The following GALNTL6 variants were observed in gnomAD, a reference collection of about 807,000 sequenced individuals.
GALNTL6 encodes the protein polypeptide N-acetylgalactosaminyltransferase-like 6.
In GALNTL6, 46 loss-of-function variants were observed where a neutral mutation model predicts 73.7. The ratio of observed to expected loss-of-function variants is 0.62; its 90% confidence interval spans 0.49 to 0.80. GALNTL6 has a LOEUF of 0.80. Among genes scored for constraint, GALNTL6 ranks in the 30% least tolerant of loss-of-function variants. The pLI, the probability that GALNTL6 is intolerant of heterozygous loss-of-function variation, is 0.00. For missense variants in GALNTL6, 604 were observed against 755.0 expected, an observed-to-expected ratio of 0.80 and a Z score of 2.34; for synonymous variants, 259 against 263.7, an observed-to-expected ratio of 0.98 and a Z score of 0.17.
chr4:172,365,624 A>G (rs1742528449), intron 5 of GALNTL6, among the ~76,000 whole-genome samples: 1 of 152,038 alleles, frequency 6.6e-6, no homozygotes, highest in Admixed American at 6.6e-5. Context: ...AAGGGACCTC[A>G]GCTTCAAGCC....
chr4:172,628,877 G>T (rs117901070), intron 5 of GALNTL6, among the ~76,000 whole-genome samples: 2,269 of 151,980 alleles, frequency 0.015, 46 homozygotes, highest in South Asian at 0.089. Flanking sequence ...AATATTAAAA[G>T]ATTTTCAAGA....
At chr4:172,869,860 C>A (rs987285666) in intron 7 of GALNTL6, among the ~76,000 whole-genome samples, 11 of 152,248 alleles carry the variant, frequency 7.2e-5, no homozygotes, top group African/African-American at 2.2e-4. Context: ...TCAATACATT[C>A]ACATGTGTTA....
At chr4:172,248,691 T>C (rs566831399) in intron 3 of GALNTL6, among the ~76,000 whole-genome samples, 30 of 152,104 alleles carry the variant, frequency 2.0e-4, no homozygotes, top group Non-Finnish European at 3.7e-4. Flanking sequence ...TGGGAGGTAA[T>C]TGAATCATGG....
At chr4:172,210,631 T>C (rs1736293478) in intron 2 of GALNTL6, among the ~76,000 whole-genome samples, 1 of 152,172 alleles carries the variant, frequency 6.6e-6, no homozygotes, top group Non-Finnish European at 1.5e-5. Context: ...ATAATATCAC[T>C]ATGACTTATC....
intron 10 of GALNTL6, among the ~76,000 whole-genome samples, chr4:173,007,221 G>A (rs1273450109): frequency 6.6e-6 from 1 of 152,092 alleles, no homozygotes; most frequent in Non-Finnish European, 1.5e-5. Context: ...GCAGGAACAG[G>A]CCCAGGTGGG....
intron 5 of GALNTL6, among the ~76,000 whole-genome samples, chr4:172,353,243 T>C (rs1463655954): frequency 2.6e-5 from 4 of 152,022 alleles, no homozygotes; most frequent in Non-Finnish European, 4.4e-5. Flanking sequence ...AAGATGGAGG[T>C]TGCAGTGAGC....
chr4:172,971,884 G>A (rs1343286590), intron 10 of GALNTL6, among the ~76,000 whole-genome samples: 1 of 151,996 alleles, frequency 6.6e-6, no homozygotes, highest in African/African-American at 2.4e-5. Flanking sequence ...TAAATCCACA[G>A]AAAGAAAAAG....
chr4:172,776,594 T>C (rs1164708071), intron 5 of GALNTL6, among the ~76,000 whole-genome samples: 2 of 152,166 alleles, frequency 1.3e-5, no homozygotes, highest in Non-Finnish European at 2.9e-5. Flanking sequence ...AGAAAAAAAT[T>C]ACATTCAATC....
intron 11 of GALNTL6, among the ~76,000 whole-genome samples, chr4:173,013,683 C>G (rs28640108): frequency 6.8e-4 from 103 of 151,916 alleles, no homozygotes; most frequent in African/African-American, 2.4e-3. Flanking sequence ...ACAGAAAGAC[C>G]AGTTAATACA....
Position 172,592,188 on chromosome 4 carries a change from C to G in GALNTL6, c.554-217173C>G, listed in dbSNP as rs140416834. ...TCTAGTGAGGACTTTTGTGTGGCAT[C>G]AAAACATGGCAGAGAAGGTCAAAGG... is the stretch of plus-strand genomic sequence containing the variant. On this transcript the variant is annotated intron_variant, in intron 5 of 12. Transcript: ENST00000506823. 5.7e-4 allele frequency among the ~76,000 whole-genome samples: 86 copies of G among 152,184 alleles called. 1 individual carries two copies. The East Asian group carries it at 0.015, about 26-fold the overall frequency.
At chr4:172,913,590 C>T (rs1026169642) in intron 8 of GALNTL6, among the ~76,000 whole-genome samples, 58 of 152,016 alleles carry the variant, frequency 3.8e-4, no homozygotes, top group Middle Eastern at 3.4e-3. Context: ...AACTACGTGA[C>T]GCATGCACAA....
intron 4 of GALNTL6, among the ~76,000 whole-genome samples, chr4:172,340,050 TTAAG>T (rs1264972886): frequency 6.6e-6 from 1 of 152,216 alleles, no homozygotes; most frequent in African/African-American, 2.4e-5. Flanking sequence ...AGTCTCAAAA[TTAAG>T]TATCTTTGTC....
intron 5 of GALNTL6, among the ~76,000 whole-genome samples, chr4:172,709,301 G>C (rs1734550883): frequency 6.6e-6 from 1 of 152,180 alleles, no homozygotes; most frequent in Admixed American, 6.5e-5. Context: ...GTGCTGAAGA[G>C]AGAAAGTTGA....
At chr4:171,917,355 A>G (rs1289773756) in intron 2 of GALNTL6, among the ~76,000 whole-genome samples, 5 of 152,066 alleles carry the variant, frequency 3.3e-5, no homozygotes, top group African/African-American at 9.7e-5. Context: ...CTAATTTGCC[A>G]AGGATTTGAA....
intron 5 of GALNTL6, among the ~76,000 whole-genome samples, chr4:172,363,554 C>T (rs922825716): frequency 5.3e-5 from 8 of 152,070 alleles, no homozygotes; most frequent in African/African-American, 1.9e-4. Flanking sequence ...TGGTTTCTAC[C>T]TTTGGAATCA....
At chr4:172,690,779 C>T (rs1399192531) in intron 5 of GALNTL6, among the ~76,000 whole-genome samples, 1 of 152,192 alleles carries the variant, frequency 6.6e-6, no homozygotes, top group African/African-American at 2.4e-5. Flanking sequence ...CAAACCATAG[C>T]ATTCCCCAAA....
chr4:171,821,677 C>T (rs576299138), intron 2 of GALNTL6, among the ~76,000 whole-genome samples: 2 of 137,702 alleles, frequency 1.5e-5, no homozygotes, highest in East Asian at 2.0e-4. Flanking sequence ...AGTTATTACA[C>T]ACAAGTGTTT....
chr4:172,341,071 G>C (rs1741541156), intron 4 of GALNTL6, among the ~76,000 whole-genome samples: 2 of 152,112 alleles, frequency 1.3e-5, no homozygotes, highest in African/African-American at 4.8e-5. Flanking sequence ...CCATGCCCTG[G>C]AATCTCAGGC....
At chr4:171,885,520 T>C (rs1287740948) in intron 2 of GALNTL6, among the ~76,000 whole-genome samples, 4 of 152,212 alleles carry the variant, frequency 2.6e-5, no homozygotes, top group Non-Finnish European at 5.9e-5. Flanking sequence ...AGATGAAAAT[T>C]ATAGGCTAGG....
Sources: allele counts gnomAD v4.1 joint callset (sites outside exome capture counted in the v4.1 genomes callset), GRCh38; gene constraint gnomAD v4.1.1; transcripts MANE v1.5; gene names NCBI Gene and HGNC (gene_info 2026-07-23, HGNC 2026-07-21).